PDE7A: variants seen among roughly 807,000 people sequenced by gnomAD.
PDE7A encodes the protein phosphodiesterase 7A, also known as high affinity 3',5'-cyclic-AMP phosphodiesterase 7A.
PDE7A carries 39 observed loss-of-function variants against 64.3 expected under a neutral mutation model. The ratio of observed to expected loss-of-function variants is 0.61; its 90% CI spans 0.47 to 0.79. The LOEUF (loss-of-function observed/expected upper bound fraction) is 0.79. PDE7A is among the 30% of genes least tolerant of loss of function. The pLI is 0.00. For missense variants in PDE7A, 470 were observed against 582.8 expected, an observed-to-expected ratio of 0.81 and a Z score of 1.99; for synonymous variants, 203 against 206.8, an observed-to-expected ratio of 0.98 and a Z score of 0.16.
chr8:65,799,351 G>A (rs184594430), intron 1 of PDE7A, among the ~76,000 whole-genome samples: 23 of 152,184 alleles, frequency 1.5e-4, no homozygotes, highest in Non-Finnish European at 2.6e-4. Flanking sequence ...TGAGACCACA[G>A]GAGTAATCAA....
intron 1 of PDE7A, among the ~76,000 whole-genome samples, chr8:65,840,478 A>G (rs1811055133): frequency 6.6e-6 from 1 of 152,204 alleles, no homozygotes; most frequent in Non-Finnish European, 1.5e-5. Context: ...ATACTCCCAT[A>G]AAAGATAGTA....
In PDE7A at chr8:65,719,287, G is replaced by A; in HGVS notation, c.*3C>T. 4 of 1,607,948 alleles carry A rather than the reference G, an allele frequency of 2.5e-6. No homozygotes were observed. Among genetic ancestry groups the A allele is most frequent in the Non-Finnish European group, 2.6e-6 (3 of 1,174,386 alleles). On this transcript the variant is annotated 3_prime_UTR_variant, in exon 13 of 13. Coordinates refer to ENST00000401827, the MANE Select transcript of PDE7A (RefSeq NM_001242318.3). ...AGGCAGTTTGTCCCACTGGTTCTGGGGGTTATGATAACCGATTTTCCTGAG... is the reference window on the plus strand; with the variant it reads ...AGGCAGTTTGTCCCACTGGTTCTGGAGGTTATGATAACCGATTTTCCTGAG...
At chr8:65,808,769 T>C (rs536293302) in intron 1 of PDE7A, among the ~76,000 whole-genome samples, 6 of 152,330 alleles carry the variant, frequency 3.9e-5, no homozygotes, top group Admixed American at 2.0e-4. Flanking sequence ...ACACTTTTTT[T>C]CCTTCCATTT....
At chr8:65,774,135 G>GA (rs1354639561) in intron 3 of PDE7A, among the ~76,000 whole-genome samples, 3 of 152,066 alleles carry the variant, frequency 2.0e-5, no homozygotes, top group African/African-American at 7.2e-5. Context: ...TTCTATCCTG[G>GA]AAGCAACCAA....
At chr8:65,768,751 T>C (rs181245226) in intron 3 of PDE7A, among the ~76,000 whole-genome samples, 1 of 152,326 alleles carries the variant, frequency 6.6e-6, no homozygotes, top group Admixed American at 6.5e-5. Flanking sequence ...TAACAATGAC[T>C]TCTTTATGTA....
chr8:65,735,065 A>G (rs1451795847), intron 6 of PDE7A, among the ~76,000 whole-genome samples, 171 bp from the exon 7 acceptor site: 3 of 152,172 alleles, frequency 2.0e-5, no homozygotes, highest in Non-Finnish European at 4.4e-5. Context: ...ATACCAAAAG[A>G]ATCAATATCA....
chr8:65,734,675 T>C (rs1254663780), intron 7 of PDE7A, 119 bp downstream of exon 7: 7 of 649,472 alleles, frequency 1.1e-5, no homozygotes, highest in African/African-American at 1.8e-5. Context: ...CTAGATCTCA[T>C]TCTTGTGAAG....
intron 1 of PDE7A, among the ~76,000 whole-genome samples, chr8:65,819,565 T>C (rs1389376797): frequency 1.3e-5 from 2 of 152,098 alleles, no homozygotes; most frequent in Non-Finnish European, 2.9e-5. Flanking sequence ...GCAAAAAAAT[T>C]AAAGCAATGT....
At chr8:65,768,542 T>C (rs1234950953) in intron 3 of PDE7A, among the ~76,000 whole-genome samples, 2 of 152,232 alleles carry the variant, frequency 1.3e-5, no homozygotes, top group African/African-American at 4.8e-5. Flanking sequence ...CAGGTGGAGC[T>C]ATAAGTCTAA....
intron 12 of PDE7A, chr8:65,721,777 G>A (rs377021178): frequency 2.5e-4 from 38 of 150,546 alleles, no homozygotes; most frequent in African/African-American, 8.6e-4. Flanking sequence ...ACCTGTCTTC[G>A]ATTCAATTCT....
At chr8:65,811,990 T>C (rs1271235781) in intron 1 of PDE7A, among the ~76,000 whole-genome samples, 1 of 152,086 alleles carries the variant, frequency 6.6e-6, no homozygotes, top group Non-Finnish European at 1.5e-5. Flanking sequence ...GTGGATCAGT[T>C]GAGCCCAGGA....
chr8:65,808,866 T>A (rs1459531913), intron 1 of PDE7A, among the ~76,000 whole-genome samples: 1 of 152,238 alleles, frequency 6.6e-6, no homozygotes, highest in African/African-American at 2.4e-5. Context: ...CTATTTATAA[T>A]ACAAAGTTAT....
chr8:65,835,533 C>T (rs954877083), intron 1 of PDE7A, among the ~76,000 whole-genome samples: 3 of 152,196 alleles, frequency 2.0e-5, no homozygotes, highest in Non-Finnish European at 4.4e-5. Context: ...TTTTCCCAAA[C>T]TTGCCCCTAC....
At chr8:65,834,105 T>C (rs1810896358) in intron 1 of PDE7A, among the ~76,000 whole-genome samples, 1 of 152,086 alleles carries the variant, frequency 6.6e-6, no homozygotes. Flanking sequence ...TCAATAAATA[T>C]ACTAAGAAAT....
At chr8:65,818,244 CCT>C (rs780693720) in intron 1 of PDE7A, among the ~76,000 whole-genome samples, 3 of 151,930 alleles carry the variant, frequency 2.0e-5, no homozygotes, top group Non-Finnish European at 2.9e-5. Context: ...TATGCGTCAC[CCT>C]CTGTTTCTTT....
chr8:65,773,387 T>G (rs2128921623), intron 3 of PDE7A, among the ~76,000 whole-genome samples: 1 of 152,312 alleles, frequency 6.6e-6, no homozygotes, highest in Non-Finnish European at 1.5e-5. Flanking sequence ...CAACTACAAC[T>G]TACACATTTG....
chr8:65,837,239 CTG>C (rs1810969514), intron 1 of PDE7A, among the ~76,000 whole-genome samples: 1 of 152,160 alleles, frequency 6.6e-6, no homozygotes, highest in African/African-American at 2.4e-5. Flanking sequence ...GAAATAATGA[CTG>C]TAGTTGAAAA....
chr8:65,763,126 G>A (rs1808595564), intron 3 of PDE7A, among the ~76,000 whole-genome samples: 1 of 151,758 alleles, frequency 6.6e-6, no homozygotes, highest in Admixed American at 6.6e-5. Context: ...AATGTTATGT[G>A]TACAACCAAT....
intron 1 of PDE7A, among the ~76,000 whole-genome samples, chr8:65,827,240 A>C (rs1810700271): frequency 2.0e-5 from 3 of 152,170 alleles, no homozygotes; most frequent in Non-Finnish European, 4.4e-5. Context: ...ATTCAACAGA[A>C]GAGATTTCTG....
Sources: allele counts gnomAD v4.1 joint callset (sites outside exome capture counted in the v4.1 genomes callset), GRCh38; gene constraint gnomAD v4.1.1; transcripts MANE v1.5; gene names NCBI Gene and HGNC (gene_info 2026-07-23, HGNC 2026-07-21).